The following GFRA1 variants were observed in gnomAD, a reference collection of about 807,000 sequenced individuals.
GFRA1 encodes GDNF family receptor alpha 1.
GFRA1 carries 16 observed loss-of-function variants against 51.6 expected under a neutral mutation model. The ratio of observed to expected loss-of-function variants is 0.31; its 90% CI spans 0.21 to 0.47. The LOEUF (loss-of-function observed/expected upper bound fraction) is 0.47, where lower values mean the gene tolerates loss of function less well. Ranked by LOEUF, GFRA1 falls within the 20% of genes least tolerant of loss-of-function variation. GFRA1 has a pLI of 1.00. For synonymous variants in GFRA1, 270 were observed against 241.3 expected (o/e 1.12, Z -1.10); for missense variants, 530 against 594.3 (o/e 0.89, Z 1.13).
At chr10:116,252,387 G>A (rs1018502802) in intron 4 of GFRA1, among the ~76,000 whole-genome samples, 1 of 152,144 alleles carries the variant, frequency 6.6e-6, no homozygotes, top group Non-Finnish European at 1.5e-5. Flanking sequence ...CAGGTGGTAG[G>A]AACAGGGCAC....
At chr10:116,066,013 G>A (rs986647263) in intron 9 of GFRA1, among the ~76,000 whole-genome samples, 2 of 152,144 alleles carry the variant, frequency 1.3e-5, no homozygotes, top group Non-Finnish European at 2.9e-5. Context: ...TAAAGAAAAC[G>A]TTTTGAAGTA....
chr10:116,071,831 TA>T (rs1297049660), intron 9 of GFRA1, among the ~76,000 whole-genome samples: 1 of 152,198 alleles, frequency 6.6e-6, no homozygotes, highest in Non-Finnish European at 1.5e-5. Context: ...ATTTTTGGAT[TA>T]TGTGACCAGG....
intron 9 of GFRA1, among the ~76,000 whole-genome samples, chr10:116,088,178 C>T (rs1302170360): frequency 6.6e-6 from 1 of 152,014 alleles, no homozygotes; most frequent in African/African-American, 2.4e-5. Context: ...CTCGAGATAC[C>T]AAGCAAATCA....
At chr10:116,102,544 G>A (rs909238751) in intron 6 of GFRA1, among the ~76,000 whole-genome samples, 1 of 152,150 alleles carries the variant, frequency 6.6e-6, no homozygotes, top group African/African-American at 2.4e-5. Context: ...AAGAAAAAGA[G>A]GTTTAATGCA....
At chr10:116,247,258 T>G (rs991321360) in intron 4 of GFRA1, among the ~76,000 whole-genome samples, 2 of 152,196 alleles carry the variant, frequency 1.3e-5, no homozygotes, top group African/African-American at 4.8e-5. Flanking sequence ...GTATGACCTG[T>G]GGGTCCCTTG....
intron 6 of GFRA1, among the ~76,000 whole-genome samples, chr10:116,122,386 G>T (rs74158592): frequency 1.3e-3 from 196 of 152,242 alleles, no homozygotes; most frequent in African/African-American, 4.3e-3. Context: ...ACATTTCTGT[G>T]CCGTCAGCTG....
In GFRA1 at chr10:116,066,930, G is replaced by T. The variant is rs553908931; in HGVS notation, c.1198-1304C>A. On this transcript the variant is annotated intron_variant, in intron 9 of 10. Transcript: ENST00000355422. ...GACTTCTGCAACTCCTGGAAGACAC[G>T]CTAAGCTAAAATGATAGCATGTTCA... Among the ~76,000 whole-genome samples, 4 of 152,310 alleles carry T rather than the reference G, an allele frequency of 2.6e-5. No individual in the cohort carries two copies. The South Asian group carries it at 8.3e-4, about 32-fold the overall frequency.
rs746205502 is a variant in GFRA1, at chr10:116,269,497, G to A, written c.418+6C>T. On this transcript the variant is annotated splice_donor_region_variant and intron_variant, in intron 4 of 10. Coordinates refer to ENST00000355422, the MANE Select transcript of GFRA1 (RefSeq NM_005264.8). Reference sequence around the variant, plus strand: ...GGCATCAGCATGGAAGTATAAATCTGCTTACCTGATATGAATGGGACCACC... The same window carrying A: ...GGCATCAGCATGGAAGTATAAATCTACTTACCTGATATGAATGGGACCACC... 1.3e-6 allele frequency: 2 copies of A among 1,530,170 alleles called. No homozygotes were observed. The highest frequency in any genetic ancestry group is 1.7e-5 in the Admixed American group (1 of 59,928). The allele number at this position is 1,530,170 out of a possible 1,614,324, so 94.8% of individuals were successfully genotyped here.
intron 4 of GFRA1, among the ~76,000 whole-genome samples, chr10:116,230,743 C>T (rs935972673): frequency 2.0e-5 from 3 of 150,762 alleles, no homozygotes; most frequent in Non-Finnish European, 4.4e-5. Context: ...CACACACACA[C>T]AGACAATTTA....
At position 116,060,949 on chromosome 10, in the gene GFRA1, A is replaced by G. The variant is rs982638403; in HGVS notation, c.*3449T>C. 1 of 152,154 alleles carries G rather than the reference A, an allele frequency of 6.6e-6. No homozygotes were observed. Among genetic ancestry groups the G allele is most frequent in the Non-Finnish European group, 1.5e-5 (1 of 68,034 alleles). The allele number at this position is 152,154 out of a possible 1,614,324, so 9.4% of individuals were successfully genotyped here. A position where few individuals can be genotyped will look rare whatever the true frequency, so the allele number is the denominator to read the frequency against. On this transcript the variant is annotated 3_prime_UTR_variant, in exon 11 of 11. Transcript: ENST00000355422. The stretch of plus-strand genomic sequence containing the variant: ...GAATTCGCTAATTATATAAACTCCC[A>G]CTGCTCTTACATCTCTTTTCCCAGG...
chr10:116,133,420 T>A (rs574559764), intron 5 of GFRA1, among the ~76,000 whole-genome samples: 2 of 152,164 alleles, frequency 1.3e-5, no homozygotes, highest in African/African-American at 4.8e-5. Context: ...TCCCAAAACC[T>A]AGGACAAAAA....
At chr10:116,104,351 C>T (rs1449289788) in intron 6 of GFRA1, among the ~76,000 whole-genome samples, 1 of 152,236 alleles carries the variant, frequency 6.6e-6, no homozygotes, top group African/African-American at 2.4e-5. Flanking sequence ...ATACATGGGG[C>T]TTCCCCGATC....
intron 5 of GFRA1, among the ~76,000 whole-genome samples, chr10:116,147,445 A>C (rs1227612848): frequency 1.3e-5 from 2 of 152,088 alleles, no homozygotes; most frequent in Non-Finnish European, 2.9e-5. Flanking sequence ...CATGGTGATG[A>C]GTCCTTTTTT....
chr10:116,251,645 A>G (rs1471031898), intron 4 of GFRA1, among the ~76,000 whole-genome samples: 1 of 152,214 alleles, frequency 6.6e-6, no homozygotes, highest in Non-Finnish European at 1.5e-5. Flanking sequence ...GAGTTTAAAC[A>G]CTTCAGCCAG....
intron 9 of GFRA1, among the ~76,000 whole-genome samples, chr10:116,069,604 T>C (rs1015584890): frequency 1.3e-5 from 2 of 152,194 alleles, no homozygotes; most frequent in African/African-American, 2.4e-5. Flanking sequence ...GGCACTGTAA[T>C]TGTGGGGGGA....
intron 5 of GFRA1, among the ~76,000 whole-genome samples, chr10:116,196,285 C>T (rs1485826312): frequency 1.3e-5 from 2 of 150,598 alleles, no homozygotes; most frequent in South Asian, 2.1e-4. Flanking sequence ...GTCAGGAGCT[C>T]GAGACCAACC....
At position 116,161,420 on chromosome 10, in the gene GFRA1, T is replaced by C. The variant is rs74670049; in HGVS notation, c.434-35863A>G. Reference sequence around the variant, plus strand: ...TTTGGAAGCAGCAGCGTTTCCATAATAAAAAGAGCATGGGAAGCTTCTTGC... The same window carrying C: ...TTTGGAAGCAGCAGCGTTTCCATAACAAAAAGAGCATGGGAAGCTTCTTGC... On this transcript the variant is annotated intron_variant, in intron 5 of 10. Transcript: ENST00000355422. Among the ~76,000 whole-genome samples the C allele has an allele frequency of 3.3e-5, 5 of 152,312 alleles. No individual in the cohort carries two copies. The East Asian group carries it at 9.6e-4, about 29-fold the overall frequency.
chr10:116,206,503 C>T (rs1388832000), intron 5 of GFRA1, among the ~76,000 whole-genome samples: 1 of 151,968 alleles, frequency 6.6e-6, no homozygotes, highest in Non-Finnish European at 1.5e-5. Context: ...ATTTATTGTT[C>T]TCTTCAAATT....
intron 9 of GFRA1, among the ~76,000 whole-genome samples, chr10:116,078,021 C>T (rs568571734): frequency 1.3e-5 from 2 of 152,210 alleles, no homozygotes; most frequent in Non-Finnish European, 2.9e-5. Flanking sequence ...ATAGCTGCCA[C>T]TTACATGTAT....
Sources: allele counts gnomAD v4.1 joint callset (sites outside exome capture counted in the v4.1 genomes callset), GRCh38; gene constraint gnomAD v4.1.1; transcripts MANE v1.5; gene names NCBI Gene and HGNC (gene_info 2026-07-23, HGNC 2026-07-21).